PAPPA2: variants seen among roughly 807,000 people sequenced by gnomAD.
The protein encoded by PAPPA2 is pappalysin-2.
Under a neutral mutation model 176.4 loss-of-function variants are expected in PAPPA2, and 86 were observed. The ratio of observed to expected loss-of-function variants is 0.49; its 90% CI spans 0.41 to 0.58. PAPPA2 has a LOEUF of 0.58. PAPPA2 is among the 20% of genes least tolerant of loss of function. The probability of loss-of-function intolerance (pLI) is 0.00; values close to 1 mark genes in which losing one functional copy is unlikely to be tolerated. For missense variants in PAPPA2, 2,073 were observed against 2,256.9 expected (o/e 0.92, Z 1.65); for synonymous variants, 809 against 852.2 (o/e 0.95, Z 0.88).
At chr1:176,746,853 TCTC>T (rs1309404265) in intron 14 of PAPPA2, among the ~76,000 whole-genome samples, 1 of 152,190 alleles carries the variant, frequency 6.6e-6, no homozygotes, top group Non-Finnish European at 1.5e-5. Flanking sequence ...CTGGGGTTCT[TCTC>T]TCGCTTGTTC....
chr1:176,572,422 T>A (rs1422932762), intron 2 of PAPPA2, among the ~76,000 whole-genome samples: 1 of 152,170 alleles, frequency 6.6e-6, no homozygotes, highest in East Asian at 1.9e-4. Flanking sequence ...TGGGTTCAAT[T>A]TGAGAACACA....
At chr1:176,672,427 A>G (rs79670454) in intron 4 of PAPPA2, among the ~76,000 whole-genome samples, 160 of 152,306 alleles carry the variant, frequency 1.1e-3, no homozygotes, top group African/African-American at 3.8e-3. Context: ...GAAATAGAAC[A>G]TAATGCTGTA....
chr1:176,808,270 C>T (rs377156060), intron 21 of PAPPA2, among the ~76,000 whole-genome samples: 2 of 152,172 alleles, frequency 1.3e-5, no homozygotes, highest in Non-Finnish European at 2.9e-5. Flanking sequence ...CAATGATTTG[C>T]TTTTTTAACA....
intron 21 of PAPPA2, chr1:176,836,539 A>C (rs1164700647): frequency 6.6e-6 from 1 of 152,268 alleles, no homozygotes; most frequent in Admixed American, 6.5e-5. Context: ...AGATCTTATC[A>C]GCCAATCAGT....
At chr1:176,752,242 A>G (rs1487624336) in intron 14 of PAPPA2, among the ~76,000 whole-genome samples, 1 of 131,338 alleles carries the variant, frequency 7.6e-6, no homozygotes, top group East Asian at 2.4e-4. Context: ...ACCTAATGCT[A>G]GATGACACGT....
intron 1 of PAPPA2, among the ~76,000 whole-genome samples, chr1:176,529,897 T>G (rs1176422771): frequency 6.6e-6 from 1 of 152,200 alleles, no homozygotes; most frequent in East Asian, 1.9e-4. Flanking sequence ...CTGTGCCATA[T>G]TTTTAAAGAG....
chr1:176,689,980 G>C (rs990985538), intron 4 of PAPPA2, among the ~76,000 whole-genome samples, 157 bp from the exon 5 acceptor site: 2 of 152,146 alleles, frequency 1.3e-5, no homozygotes, highest in Admixed American at 1.3e-4. Context: ...GGTTTCTGTG[G>C]CAAGAAAGAA....
At chr1:176,541,480 T>G (rs959993787) in intron 1 of PAPPA2, among the ~76,000 whole-genome samples, 1 of 152,200 alleles carries the variant, frequency 6.6e-6, no homozygotes, top group African/African-American at 2.4e-5. Flanking sequence ...GCATCCTTGC[T>G]AAGATCAAAA....
intron 14 of PAPPA2, among the ~76,000 whole-genome samples, chr1:176,749,171 T>C (rs2102884712): frequency 6.6e-6 from 1 of 152,314 alleles, no homozygotes; most frequent in South Asian, 2.1e-4. Context: ...TACAAGACAG[T>C]CGAAAAAGGT....
intron 4 of PAPPA2, among the ~76,000 whole-genome samples, chr1:176,686,962 A>T (rs750430419): frequency 6.6e-6 from 1 of 152,192 alleles, no homozygotes; most frequent in African/African-American, 2.4e-5. Context: ...GTTCTAGCAG[A>T]CATAGAATTA....
At chr1:176,671,476 C>A (rs566975024) in intron 4 of PAPPA2, among the ~76,000 whole-genome samples, 10 of 152,246 alleles carry the variant, frequency 6.6e-5, no homozygotes, top group African/African-American at 2.4e-4. Flanking sequence ...TTTACATGAT[C>A]ACTGTTCTAG....
intron 3 of PAPPA2, among the ~76,000 whole-genome samples, chr1:176,651,901 T>A (rs1240270427): frequency 1.3e-5 from 2 of 151,624 alleles, no homozygotes; most frequent in Non-Finnish European, 2.9e-5. Context: ...TTTTTTTTCC[T>A]CTGCTTGCTT....
intron 2 of PAPPA2, among the ~76,000 whole-genome samples, chr1:176,573,703 A>G (rs1276084252): frequency 6.6e-6 from 1 of 152,228 alleles, no homozygotes; most frequent in Non-Finnish European, 1.5e-5. Context: ...ATGTACTGAG[A>G]TAATGGATGG....
intron 1 of PAPPA2, among the ~76,000 whole-genome samples, chr1:176,511,186 A>C (rs183777890): frequency 7.9e-5 from 12 of 152,314 alleles, no homozygotes; most frequent in Admixed American, 5.9e-4. Context: ...AGGATGGAAA[A>C]AATATACCAT....
At chr1:176,581,761 C>T (rs1043530994) in intron 2 of PAPPA2, among the ~76,000 whole-genome samples, 2 of 151,546 alleles carry the variant, frequency 1.3e-5, no homozygotes, top group Non-Finnish European at 2.9e-5. Flanking sequence ...TTAGATTGAT[C>T]GCTGTTAGCA....
chr1:176,767,492 T>G (rs1260259159), intron 15 of PAPPA2, among the ~76,000 whole-genome samples: 2 of 151,998 alleles, frequency 1.3e-5, no homozygotes, highest in Non-Finnish European at 2.9e-5. Context: ...GGACTACAGG[T>G]GCATGCCACC....
chr1:176,799,968 T>G, intron 20 of PAPPA2, 93 bp from the exon 21 acceptor site: 2 of 1,264,086 alleles, frequency 1.6e-6, no homozygotes, highest in Admixed American at 1.7e-5. Flanking sequence ...AGAAATGGAG[T>G]TGGACTCCTG....
At chr1:176,654,814 G>A (rs1269486189) in intron 3 of PAPPA2, among the ~76,000 whole-genome samples, 1 of 151,502 alleles carries the variant, frequency 6.6e-6, no homozygotes, top group Non-Finnish European at 1.5e-5. Context: ...GTATTTCTAG[G>A]CTTTTATTTT....
At chr1:176,801,927 G>A (rs1251988485) in intron 21 of PAPPA2, among the ~76,000 whole-genome samples, 1 of 152,056 alleles carries the variant, frequency 6.6e-6, no homozygotes, top group African/African-American at 2.4e-5. Context: ...CTTTGTTGAT[G>A]TGACAAGGAA....
Sources: allele counts gnomAD v4.1 joint callset (sites outside exome capture counted in the v4.1 genomes callset), GRCh38; gene constraint gnomAD v4.1.1; transcripts MANE v1.5; gene names NCBI Gene and HGNC (gene_info 2026-07-23, HGNC 2026-07-21).